Variants in FYCO1 observed in about 807,000 individuals in gnomAD.
The protein encoded by FYCO1 is FYVE and coiled-coil domain autophagy adaptor 1.
In FYCO1, 122 loss-of-function variants were observed where a neutral mutation model predicts 165.1. The observed-to-expected ratio is 0.74, with a 90% CI of 0.64 to 0.86. The LOEUF (loss-of-function observed/expected upper bound fraction) is 0.86. Ranked by LOEUF, FYCO1 falls within the 40% of genes least tolerant of loss-of-function variation. The pLI, the probability that FYCO1 is intolerant of heterozygous loss-of-function variation, is 0.00. For synonymous variants in FYCO1, 648 were observed against 742.5 expected (o/e 0.87, Z 2.07); for missense variants, 1,702 against 1,810.3 (o/e 0.94, Z 1.09).
rs1021727791 is a variant in FYCO1 at position 45,918,016 on chromosome 3, C to T, written c.*3749G>A. 1 of 152,598 alleles carries T rather than the reference C, an allele frequency of 6.6e-6. No individual in the cohort carries two copies. The highest frequency in any genetic ancestry group is 1.5e-5 in the Non-Finnish European group (1 of 68,042). 9.5% of individuals were successfully genotyped at this position (152,598 alleles called of 1,614,324 possible). On this transcript the variant is annotated 3_prime_UTR_variant, in exon 18 of 18. Coordinates refer to ENST00000296137, the MANE Select transcript of FYCO1 (RefSeq NM_024513.4). ...CTTAGGGATACAAAAGTTTTCCACCCCCATTGAGCAGGTGGGGTGCTGGTA... is the reference window on the plus strand; with the variant it reads ...CTTAGGGATACAAAAGTTTTCCACCTCCATTGAGCAGGTGGGGTGCTGGTA...
intron 2 of FYCO1, 85 bp from the exon 3 acceptor site, chr3:45,981,761 G>A: frequency 1.1e-6 from 1 of 949,440 alleles, no homozygotes; most frequent in Middle Eastern, 2.3e-4. Flanking sequence ...AGCATGAGGA[G>A]CAAGTGGTCA....
Position 45,977,781 on chromosome 3 carries a change from T to C in FYCO1, c.288+1924A>G, listed in dbSNP as rs1000251030. On this transcript the variant is annotated intron_variant, in intron 4 of 17. Transcript: ENST00000296137. ...CTTCACCTATTTTAGCCTAAATAGC[T>C]ACCGCCTACCTCAAAGGGGTCTGAG... Among the ~76,000 whole-genome samples the C allele has an allele frequency of 3.9e-5, 6 of 152,196 alleles. No homozygotes were observed. In the South Asian group the frequency reaches 6.2e-4, roughly 16 times the overall value.
At chr3:45,983,376 T>C (rs1707149632) in intron 2 of FYCO1, among the ~76,000 whole-genome samples, 1 of 152,234 alleles carries the variant, frequency 6.6e-6, no homozygotes, top group East Asian at 1.9e-4. Flanking sequence ...TGTATGCTTA[T>C]TAAGACGTTT....
chr3:45,967,411 G>A lies in FYCO1; in HGVS notation c.1923C>T (p.Ala641=), dbSNP rs772402086. The part of the protein sequence containing the change: ...RNQLLEGKLQ[A]LQADYQALQQ... The stretch of plus-strand genomic sequence containing the variant: ...GCAAAGCCTGGTAATCGGCCTGCAG[G>A]GCTTGCAGCTTGCCCTCCAGGAGCT... The change falls in exon 8 of 18, where the codon GCC becomes GCT. Residue 641 remains alanine (A), a synonymous_variant. Transcript: ENST00000296137. 1.8e-5 allele frequency: 29 copies of A among 1,612,938 alleles called. No homozygotes were observed. The highest frequency in any genetic ancestry group is 8.5e-7 in the Non-Finnish European group (1 of 1,179,628).
In FYCO1 at chr3:45,962,240, A is replaced by G; in HGVS notation, c.3422T>C (p.Leu1141Pro). ...NRTKKYLEER[L>P]IELLRDKDAL... ...CAGCACTCACCTGAGCAGCTCTATC[A>G]GCCGCTCCTCGAGATACTTCTTGGT... is the stretch of plus-strand genomic sequence containing the variant. The change falls in exon 11 of 18, where the codon CTG becomes CCG. Residue 1141 changes from leucine to proline, a missense_variant. Physicochemically the swap from Leu to Pro is moderately conservative, Grantham distance 98. Coordinates refer to ENST00000296137, the MANE Select transcript of FYCO1 (RefSeq NM_024513.4). This position sits in a 1 kb window ranked among gnomAD's most constrained non-coding sequence, Gnocchi z 4.4. 4.3e-6 allele frequency: 7 copies of G among 1,614,240 alleles called. No homozygotes were observed. The highest frequency in any genetic ancestry group is 5.9e-6 in the Non-Finnish European group (7 of 1,180,036).
chr3:45,918,641 G>A lies in FYCO1; in HGVS notation c.*3124C>T, dbSNP rs963701551. 1 of 152,090 alleles carries A rather than the reference G, an allele frequency of 6.6e-6. No homozygotes were observed. The highest frequency in any genetic ancestry group is 1.5e-5 in the Non-Finnish European group (1 of 68,014). The allele number at this position is 152,090 out of a possible 1,614,324, so 9.4% of individuals were successfully genotyped here. On this transcript the variant is annotated 3_prime_UTR_variant, in exon 18 of 18. Transcript: ENST00000296137. Reference sequence around the variant, plus strand: ...ACATCCAACCATATCATAAAACACAGGCTCTGTGATTTCATCCCCAACTGG... The same window carrying A: ...ACATCCAACCATATCATAAAACACAAGCTCTGTGATTTCATCCCCAACTGG...
intron 16 of FYCO1, among the ~76,000 whole-genome samples, chr3:45,927,671 ATTCTAG>A (rs1473990249): frequency 1.3e-5 from 2 of 152,192 alleles, no homozygotes; most frequent in Non-Finnish European, 2.9e-5. Context: ...ATTCTATCAC[ATTCTAG>A]TTCCACCAGG....
At position 45,958,621 on chromosome 3, in the gene FYCO1, TG is replaced by T; in HGVS notation, c.3588-3del. 1.2e-6 allele frequency: 2 copies of T among 1,614,134 alleles called. No homozygotes were observed. On this transcript the variant is annotated splice_region_variant and splice_polypyrimidine_tract_variant and intron_variant, in intron 12 of 17. Transcript: ENST00000296137. Reference sequence around the variant, plus strand: ...TAACAGAAGATGCGGCCACATATCCTGGGAACAAAACAAGCCCAGGCTGTGA... The same window carrying T: ...TAACAGAAGATGCGGCCACATATCCTGGAACAAAACAAGCCCAGGCTGTGA...
intron 14 of FYCO1, among the ~76,000 whole-genome samples, chr3:45,953,283 G>A (rs568533324): frequency 2.0e-5 from 3 of 152,272 alleles, no homozygotes; most frequent in African/African-American, 7.2e-5. Context: ...GTTGAGGCAG[G>A]AGCATCATAA....
chr3:45,944,935 C>T (rs925166518), intron 14 of FYCO1: 1 of 152,178 alleles, frequency 6.6e-6, no homozygotes, highest in East Asian at 1.9e-4. Context: ...TAATACAGTG[C>T]CCCAGAGAGC....
In FYCO1 at chr3:45,965,019, C is replaced by T; in HGVS notation, c.3150+14G>A. ...ATGCCCTCTCCCTGACAGGTCTACA[C>T]TACCAGGGCCTACCTTCAGCTTCTC... is the stretch of plus-strand genomic sequence containing the variant. On this transcript the variant is annotated intron_variant, in intron 9 of 17. Coordinates refer to ENST00000296137, the MANE Select transcript of FYCO1 (RefSeq NM_024513.4). 1 of 1,611,518 alleles carries T rather than the reference C, an allele frequency of 6.2e-7. No individual in the cohort carries two copies. The highest frequency in any genetic ancestry group is 8.5e-7 in the Non-Finnish European group (1 of 1,177,704).
chr3:45,988,416 T>C (rs1707407692), intron 1 of FYCO1, among the ~76,000 whole-genome samples: 1 of 152,212 alleles, frequency 6.6e-6, no homozygotes, highest in African/African-American at 2.4e-5. Flanking sequence ...ACTCCTGGCA[T>C]GAACCAGCCT....
intron 6 of FYCO1, among the ~76,000 whole-genome samples, chr3:45,970,241 A>C (rs903475384): frequency 6.6e-6 from 1 of 152,230 alleles, no homozygotes; most frequent in African/African-American, 2.4e-5. Context: ...CTCATGCAGA[A>C]AGTTCCATTG....
At chr3:45,972,122 T>C (rs1369956892) in intron 6 of FYCO1, among the ~76,000 whole-genome samples, 13 of 152,176 alleles carry the variant, frequency 8.5e-5, no homozygotes, top group Admixed American at 8.5e-4. Flanking sequence ...TTGCAACTTT[T>C]CTGTAATTCT....
chr3:45,941,928 A>C (rs1272659236), intron 14 of FYCO1, among the ~76,000 whole-genome samples: 1 of 152,218 alleles, frequency 6.6e-6, no homozygotes, highest in Non-Finnish European at 1.5e-5. Flanking sequence ...CCCTGCCTTG[A>C]AAGTTCTCTT....
intron 16 of FYCO1, 22 bp downstream of exon 16, chr3:45,931,049 C>T (rs755654823): frequency 1.2e-6 from 2 of 1,604,090 alleles, no homozygotes; most frequent in Non-Finnish European, 1.7e-6. Flanking sequence ...AAGGAGCCCA[C>T]AGGCAGGGAG....
At chr3:45,953,499 A>T (rs1044377481) in intron 14 of FYCO1, among the ~76,000 whole-genome samples, 1 of 152,218 alleles carries the variant, frequency 6.6e-6, no homozygotes, top group African/African-American at 2.4e-5. Context: ...ACATGGTGGC[A>T]CTTTATACAA....
intron 13 of FYCO1, among the ~76,000 whole-genome samples, chr3:45,956,739 G>A (rs1170075741): frequency 1.3e-5 from 2 of 152,136 alleles, no homozygotes; most frequent in African/African-American, 4.8e-5. Flanking sequence ...TGTCCACTGA[G>A]AGAAACCAAA....
chr3:45,967,435 C>A lies in FYCO1; in HGVS notation c.1899G>T (p.Gln633His). ...GGGCTTGCAGCTTGCCCTCCAGGAG[C>A]TGGTTACGCCCGACCACATTCTGTA... ...KELQNVVGRN[Q>H]LLEGKLQALQ... Residue 633 changes from glutamine to histidine, a missense_variant, in exon 8 of 18, where the codon CAG becomes CAT. Physicochemically the swap from Gln to His is conservative, Grantham distance 24 (BLOSUM62 0). Transcript: ENST00000296137. 1 of 1,613,410 alleles carries A rather than the reference C, an allele frequency of 6.2e-7. No individual in the cohort carries two copies. The highest frequency in any genetic ancestry group is 8.5e-7 in the Non-Finnish European group (1 of 1,179,868).
Sources: allele counts gnomAD v4.1 joint callset (sites outside exome capture counted in the v4.1 genomes callset), GRCh38; gene constraint gnomAD v4.1.1; non-coding constraint Gnocchi (gnomAD v3.1); transcripts MANE v1.5; gene names NCBI Gene and HGNC (gene_info 2026-07-23, HGNC 2026-07-21).